RPTOR: variants seen among roughly 807,000 people sequenced by gnomAD.
RPTOR encodes regulatory associated protein of MTOR complex 1.
Under a neutral mutation model 169.9 loss-of-function variants are expected in RPTOR, and 21 were observed. The observed-to-expected ratio is 0.12, with a 90% CI of 0.09 to 0.18. The LOEUF is 0.18. Among genes scored for constraint, RPTOR ranks in the 10% least tolerant of loss-of-function variants. The pLI, the probability that RPTOR is intolerant of heterozygous loss-of-function variation, is 1.00. For synonymous variants in RPTOR, 732 were observed against 753.2 expected (o/e 0.97, Z 0.46); for missense variants, 1,133 against 1,855.9 (o/e 0.61, Z 7.16).
chr17:80,598,862 C>A (rs2143438678), intron 1 of RPTOR, among the ~76,000 whole-genome samples: 1 of 149,282 alleles, frequency 6.7e-6, no homozygotes, highest in Middle Eastern at 3.5e-3. Flanking sequence ...TGCTTATTGA[C>A]CTTAAACTTT....
At chr17:80,601,401 C>T (rs1264411716) in intron 1 of RPTOR, among the ~76,000 whole-genome samples, 1 of 44,334 alleles carries the variant, frequency 2.3e-5, no homozygotes, top group Non-Finnish European at 4.9e-5. Flanking sequence ...GGGCCGCTCT[C>T]CCACATCTCA....
intron 1 of RPTOR, among the ~76,000 whole-genome samples, chr17:80,599,266 G>C (rs969499594): frequency 6.6e-6 from 1 of 152,230 alleles, no homozygotes; most frequent in African/African-American, 2.4e-5. Flanking sequence ...GAGCCACCAT[G>C]CAGTGATTCC....
At chr17:80,635,545 C>T (rs2065499157) in intron 2 of RPTOR, among the ~76,000 whole-genome samples, 1 of 152,114 alleles carries the variant, frequency 6.6e-6, no homozygotes, top group African/African-American at 2.4e-5. Flanking sequence ...CTTGTAGGAA[C>T]CTCCAAGCGG....
intron 13 of RPTOR, among the ~76,000 whole-genome samples, chr17:80,877,727 A>G (rs35057406): frequency 0.22 from 34,115 of 152,074 alleles, 4,088 homozygotes; most frequent in East Asian, 0.39. Context: ...GATGCATCTC[A>G]GTTTATTTGT....
chr17:80,831,753 A>G (rs569028640), intron 9 of RPTOR, among the ~76,000 whole-genome samples: 10 of 148,816 alleles, frequency 6.7e-5, no homozygotes, highest in Non-Finnish European at 1.5e-4. Context: ...ATCCCTGTGT[A>G]TCACTATGTA....
chr17:80,563,887 A>G lies in RPTOR; in HGVS notation c.162+18096A>G, dbSNP rs528510032. Among the ~76,000 whole-genome samples, 105 of 151,990 alleles carry G rather than the reference A, an allele frequency of 6.9e-4. No homozygotes were observed. In the South Asian group the frequency reaches 0.014, roughly 20 times the overall value. ...CTGATGTCCAGGGTTGTGTGACCTT[A>G]CTTTTGCTTTTGGTTTCTCTCGCTC... On this transcript the variant is annotated intron_variant, in intron 1 of 33. Coordinates refer to ENST00000306801, the MANE Select transcript of RPTOR (RefSeq NM_020761.3).
At chr17:80,719,600 C>CT (rs760160590) in intron 4 of RPTOR, among the ~76,000 whole-genome samples, 75 of 152,202 alleles carry the variant, frequency 4.9e-4, no homozygotes, top group Admixed American at 1.4e-3. Flanking sequence ...TAAAGATGGA[C>CT]TTGTGCCACC....
rs1211652782 is a variant in RPTOR, at chr17:80,820,902, G to T, written c.891-1299G>T. On this transcript the variant is annotated intron_variant, in intron 7 of 33. Coordinates refer to ENST00000306801, the MANE Select transcript of RPTOR (RefSeq NM_020761.3). This position sits in a 1 kb window ranked among gnomAD's most constrained non-coding sequence, Gnocchi z 4.1. ...GCCTGACTAGAAAACCCTGATGTTG[G>T]GTAAACTGGTCTCCACTGTGGAGGT... 6.6e-6 allele frequency among the ~76,000 whole-genome samples: 1 copy of T among 152,170 alleles called. No homozygotes were observed. Among genetic ancestry groups the T allele is most frequent in the Non-Finnish European group, 1.5e-5 (1 of 68,028 alleles).
At position 80,606,775 on chromosome 17, in the gene RPTOR, G is replaced by A. The variant is rs186889134; in HGVS notation, c.163-18916G>A. ...TGTCCAACCACCTACCTACCCTTCC[G>A]TCTGGCCATCCATCCATCCATCCAT... On this transcript the variant is annotated intron_variant, in intron 1 of 33. Transcript: ENST00000306801. Among the ~76,000 whole-genome samples, 234 of 151,178 alleles carry A rather than the reference G, an allele frequency of 1.5e-3. 1 individual carries two copies. The highest frequency in any genetic ancestry group is 5.3e-3 in the African/African-American group (220 of 41,324).
At chr17:80,854,300 G>T (rs904733679) in intron 11 of RPTOR, among the ~76,000 whole-genome samples, 2 of 152,216 alleles carry the variant, frequency 1.3e-5, no homozygotes. Flanking sequence ...TGAAACCCTT[G>T]TGGGCAGGTG....
intron 6 of RPTOR, among the ~76,000 whole-genome samples, chr17:80,765,868 T>C (rs529434391): frequency 6.6e-6 from 1 of 152,328 alleles, no homozygotes; most frequent in Admixed American, 6.5e-5. Context: ...ACCAGCCTAG[T>C]GGGGAGACTG....
intron 9 of RPTOR, among the ~76,000 whole-genome samples, chr17:80,827,372 G>T (rs1324963769): frequency 6.6e-6 from 1 of 152,208 alleles, no homozygotes; most frequent in Non-Finnish European, 1.5e-5. Flanking sequence ...GTGGGGCTCA[G>T]CCAGGTTCTC....
In RPTOR at chr17:80,959,249, C is replaced by G. The variant is rs912291524; in HGVS notation, c.3478-829C>G. ...GGGGGGGTCTTGCACCTGTCTGGAG[C>G]TGTGGCTCCACACGAGACGTAGCCC... is the stretch of plus-strand genomic sequence containing the variant. On this transcript the variant is annotated intron_variant, in intron 29 of 33. Transcript: ENST00000306801. The surrounding 1 kb of genome is among the most constrained non-coding windows in gnomAD (Gnocchi z 6.7). Among the ~76,000 whole-genome samples the G allele has an allele frequency of 1.3e-5, 2 of 152,218 alleles. No individual in the cohort carries two copies. Among genetic ancestry groups the G allele is most frequent in the African/African-American group, 2.4e-5 (1 of 41,462 alleles).
intron 1 of RPTOR, among the ~76,000 whole-genome samples, chr17:80,617,994 T>G (rs1260255305): frequency 9.2e-5 from 14 of 151,806 alleles, no homozygotes; most frequent in Non-Finnish European, 2.9e-5. Flanking sequence ...CAACTTTTTT[T>G]TTTTAAGACG....
intron 2 of RPTOR, among the ~76,000 whole-genome samples, chr17:80,628,018 AAT>A (rs1427123302): frequency 6.6e-6 from 1 of 151,798 alleles, no homozygotes; most frequent in Non-Finnish European, 1.5e-5. Flanking sequence ...TTGTATTTTT[AAT>A]AGAGACAGGA....
chr17:80,701,976 G>A lies in RPTOR; in HGVS notation c.349-5865G>A, dbSNP rs1444898917. Among the ~76,000 whole-genome samples the A allele has an allele frequency of 3.3e-5, 5 of 152,244 alleles. No individual in the cohort carries two copies. In the South Asian group the frequency reaches 8.3e-4, roughly 25 times the overall value. On this transcript the variant is annotated intron_variant, in intron 3 of 33. Transcript: ENST00000306801. The stretch of plus-strand genomic sequence containing the variant: ...GCTTCTAGCGGGACCATGCCGCCAC[G>A]AGGGCCACTGGGAGCAGAGTCCCTC...
rs545838615 is a variant in RPTOR at position 80,758,660 on chromosome 17, C to T, written c.830+4475C>T. Among the ~76,000 whole-genome samples, 3 of 152,244 alleles carry T rather than the reference C, an allele frequency of 2.0e-5. No individual in the cohort carries two copies. The East Asian group carries it at 5.8e-4, about 29-fold the overall frequency. ...ACGCACAGTGGACACTGCCGAGAAA[C>T]AGGCCTCATTTCTCCCATGTTCCCG... On this transcript the variant is annotated intron_variant, in intron 6 of 33. Coordinates refer to ENST00000306801, the MANE Select transcript of RPTOR (RefSeq NM_020761.3).
chr17:80,888,405 C>A (rs946752432), intron 17 of RPTOR, among the ~76,000 whole-genome samples: 4 of 152,248 alleles, frequency 2.6e-5, no homozygotes, highest in Non-Finnish European at 5.9e-5. Context: ...TCCCAGGACG[C>A]TGCTCGGGCC....
chr17:80,608,978 C>T (rs2065248433), intron 1 of RPTOR, among the ~76,000 whole-genome samples: 1 of 152,012 alleles, frequency 6.6e-6, no homozygotes, highest in African/African-American at 2.4e-5. Flanking sequence ...CTTTTACTGA[C>T]CTAGGAGGTG....
Sources: gnomAD v4.1 joint callset for allele counts (sites outside exome capture counted in the v4.1 genomes callset) on GRCh38, gnomAD v4.1.1 for gene constraint, Gnocchi (gnomAD v3.1) non-coding constraint, MANE v1.5 for transcripts, NCBI Gene and HGNC (gene_info 2026-07-23, HGNC 2026-07-21) for gene names.